The following MYH1 variants were observed in gnomAD, a reference collection of about 807,000 sequenced individuals.
MYH1 encodes myosin heavy chain 1, also known as myosin-1.
Under a neutral mutation model 225.6 loss-of-function variants are expected in MYH1, and 214 were observed. That is an observed-to-expected ratio of 0.95 (90% CI 0.85 to 1.06). The LOEUF is 1.06. MYH1 is among the 50% of genes least tolerant of loss of function. The probability of loss-of-function intolerance (pLI) is 0.00; values close to 1 mark genes in which losing one functional copy is unlikely to be tolerated. For synonymous variants in MYH1, 774 were observed against 842.3 expected (o/e 0.92, Z 1.40); for missense variants, 2,098 against 2,344.2 (o/e 0.89, Z 2.17).
chr17:10,495,199 A>G lies in MYH1; in HGVS notation c.5288T>C (p.Ile1763Thr). The stretch of plus-strand genomic sequence containing the variant: ...GTGTTACCCTTCACTCACATCAGTG[A>G]TGGCCTTCTTGGCCTTCTCTTCTGC... ...RNAEEKAKKA[I>T]TDAAMMAEEL... is the part of the protein sequence containing the mutation. Residue 1763 changes from isoleucine to threonine, a missense_variant, in exon 36 of 40, where the codon ATC becomes ACC. Ile to Thr is a moderately conservative substitution (Grantham distance 89). Coordinates refer to ENST00000226207, the MANE Select transcript of MYH1 (RefSeq NM_005963.4). 6.2e-7 allele frequency: 1 copy of G among 1,614,206 alleles called. No homozygotes were observed.
intron 4 of MYH1, 54 bp from the exon 5 acceptor site, chr17:10,516,136 T>C: frequency 6.2e-7 from 1 of 1,613,388 alleles, no homozygotes; most frequent in South Asian, 1.1e-5. Context: ...ACCTTAATCA[T>C]CTACTACTTT....
In MYH1 at chr17:10,512,695, A is replaced by C; in HGVS notation, c.994T>G (p.Leu332Val). ...TVPSIDDQEE[L>V]MATDSAIEIL... ...GTATAACTTACATCTGTAGCCATCA[A>C]CTCTTCTTGGTCATCAATGCTGGGC... Residue 332 changes from leucine to valine, a missense_variant, in exon 11 of 40, where the codon TTG (leucine) becomes GTG (valine). Physicochemically the swap from Leu to Val is conservative, Grantham distance 32. Transcript: ENST00000226207. 1 of 1,613,580 alleles carries C rather than the reference A, an allele frequency of 6.2e-7. No homozygotes were observed. Among genetic ancestry groups the C allele is most frequent in the Non-Finnish European group, 8.5e-7 (1 of 1,179,876 alleles).
chr17:10,516,746 A>G, intron 2 of MYH1, 64 bp from the exon 3 acceptor site: 4 of 1,409,454 alleles, frequency 2.8e-6, no homozygotes, highest in Non-Finnish European at 3.8e-6. Context: ...CACATTTAAA[A>G]CTTTAAAAAA....
intron 15 of MYH1, 150 bp from the exon 16 acceptor site, chr17:10,508,822 C>T (rs1230655538): frequency 8.0e-7 from 1 of 1,242,888 alleles, no homozygotes; most frequent in Non-Finnish European, 1.1e-6. Flanking sequence ...AAGTCATTAA[C>T]TTCACAAATA....
At chr17:10,495,588 C>T (rs1379073269) in intron 35 of MYH1, among the ~76,000 whole-genome samples, 4 of 151,186 alleles carry the variant, frequency 2.6e-5, no homozygotes, top group Non-Finnish European at 5.9e-5. Flanking sequence ...GGTGAAACCC[C>T]GTCTCCACTA....
chr17:10,514,996 T>G lies in MYH1; in HGVS notation c.506-101A>C. 2.8e-6 allele frequency: 3 copies of G among 1,054,458 alleles called. No individual in the cohort carries two copies. The East Asian group carries it at 7.1e-5, about 25-fold the overall frequency. The allele number at this position is 1,054,458 out of a possible 1,614,324, so 65.3% of individuals were successfully genotyped here. ...TTGAGTATAAGTGTCATGTATTCAG[T>G]GGGGTTTTTCAATATATTATGGTAA... is the stretch of plus-strand genomic sequence containing the variant. On this transcript the variant is annotated intron_variant, in intron 5 of 39. Coordinates refer to ENST00000226207, the MANE Select transcript of MYH1 (RefSeq NM_005963.4).
chr17:10,508,023 T>TG (rs2073131935), intron 16 of MYH1, 67 bp from the exon 17 acceptor site: 14 of 1,362,518 alleles, frequency 1.0e-5, no homozygotes, highest in South Asian at 2.5e-5. Context: ...TTTTTGTTTT[T>TG]TTTTGTTTTT....
intron 28 of MYH1, among the ~76,000 whole-genome samples, chr17:10,499,666 C>T (rs1289240258): frequency 1.3e-5 from 2 of 152,162 alleles, no homozygotes; most frequent in Non-Finnish European, 1.5e-5. Flanking sequence ...ATTTTTTAAG[C>T]ACCATAATGC....
chr17:10,512,009 G>T, intron 13 of MYH1, 21 bp from the exon 14 acceptor site: 3 of 1,614,078 alleles, frequency 1.9e-6, no homozygotes, highest in South Asian at 1.1e-5. Flanking sequence ...AAAGTTTGTT[G>T]GTGTTATTAA....
chr17:10,498,587 G>A (rs1375416950), intron 30 of MYH1, 39 bp downstream of exon 30: 3 of 1,613,026 alleles, frequency 1.9e-6, no homozygotes, highest in South Asian at 1.1e-5. Flanking sequence ...TGGGAGCAAG[G>A]AAACTTATAG....
chr17:10,510,663 G>A (rs999853176), intron 14 of MYH1, among the ~76,000 whole-genome samples: 1 of 152,146 alleles, frequency 6.6e-6, no homozygotes, highest in Admixed American at 6.5e-5. Context: ...GATGAATCTG[G>A]CAAGCATATG....
rs2073095542 is a variant in MYH1, at chr17:10,505,021, T to G, written c.2480A>C (p.Asn827Thr). ...CIQYNVRAFM[N>T]VKHWPWMKLY... ...CTTCATCCAGGGCCAGTGCTTCACATTCATGAAGGCACGGACATTGTACTG... is the reference window on the plus strand; with the variant it reads ...CTTCATCCAGGGCCAGTGCTTCACAGTCATGAAGGCACGGACATTGTACTG... Residue 827 changes from asparagine to threonine, a missense_variant, in exon 22 of 40, where the codon AAT becomes ACT. Coordinates refer to ENST00000226207, the MANE Select transcript of MYH1 (RefSeq NM_005963.4). 2 of 1,614,188 alleles carry G rather than the reference T, an allele frequency of 1.2e-6. No individual in the cohort carries two copies. The highest frequency in any genetic ancestry group is 1.7e-6 in the Non-Finnish European group (2 of 1,180,036).
At chr17:10,516,407 G>T in intron 3 of MYH1, 32 bp downstream of exon 3, 1 of 1,614,170 alleles carries the variant, frequency 6.2e-7, no homozygotes, top group Non-Finnish European at 8.5e-7. Flanking sequence ...AAATGAGGCA[G>T]AGTCTAATCA....
Position 10,497,289 on chromosome 17 carries a change from T to G in MYH1, c.4529A>C (p.Gln1510Pro). ...ETLKRENKNL[Q>P]QEISDLTEQI... The stretch of plus-strand genomic sequence containing the variant: ...AAGAAAAGGTAAAATGTTCTCACGT[T>G]GCAAATTCTTATTTTCCCGTTTCAA... The change falls in exon 32 of 40, where the codon CAA (glutamine) becomes CCA (proline). Residue 1510 changes from glutamine to proline, a missense_variant and splice_region_variant. Coordinates refer to ENST00000226207, the MANE Select transcript of MYH1 (RefSeq NM_005963.4). The G allele has an allele frequency of 3.8e-6, 6 of 1,598,662 alleles. No individual in the cohort carries two copies. The highest frequency in any genetic ancestry group is 5.1e-6 in the Non-Finnish European group (6 of 1,176,082).
chr17:10,512,204 T>C lies in MYH1; in HGVS notation c.1148-12A>G. ...TGCCTTGTCAGCAACTGCAGAAACA[T>C]AATTCAGATACCTAATATGACTTAC... On this transcript the variant is annotated splice_polypyrimidine_tract_variant and intron_variant, in intron 12 of 39. Transcript: ENST00000226207. 1.2e-6 allele frequency: 2 copies of C among 1,609,242 alleles called. No individual in the cohort carries two copies. Among genetic ancestry groups the C allele is most frequent in the East Asian group, 2.2e-5 (1 of 44,846 alleles).
intron 16 of MYH1, 96 bp from the exon 17 acceptor site, chr17:10,508,052 T>G: frequency 9.1e-7 from 1 of 1,094,320 alleles, no homozygotes; most frequent in South Asian, 1.4e-5. Flanking sequence ...AGTTTCACTC[T>G]TGGTTGCCCA....
intron 12 of MYH1, 35 bp downstream of exon 12, chr17:10,512,373 C>A (rs1377726594): frequency 1.9e-6 from 3 of 1,613,962 alleles, no homozygotes; most frequent in Admixed American, 3.3e-5. Flanking sequence ...TGCCTATATT[C>A]TCTCATTAAA....
At chr17:10,512,368 A>G (rs1347352055) in intron 12 of MYH1, 40 bp downstream of exon 12, 4 of 1,614,006 alleles carry the variant, frequency 2.5e-6, no homozygotes, top group Admixed American at 1.7e-5. Flanking sequence ...ATTTTTGCCT[A>G]TATTCTCTCA....
intron 3 of MYH1, 42 bp from the exon 4 acceptor site, chr17:10,516,384 C>T: frequency 6.2e-7 from 1 of 1,614,128 alleles, no homozygotes; most frequent in Non-Finnish European, 8.5e-7. Context: ...AAAGTAAGTG[C>T]TAACTTAACC....
Sources: allele counts gnomAD v4.1 joint callset (sites outside exome capture counted in the v4.1 genomes callset), GRCh38; gene constraint gnomAD v4.1.1; transcripts MANE v1.5; gene names NCBI Gene and HGNC (gene_info 2026-07-23, HGNC 2026-07-21).